The following MLXIP variants were observed in gnomAD, a reference collection of about 807,000 sequenced individuals.
The protein encoded by MLXIP is MLX interacting protein.
A neutral mutation model predicts 87.2 loss-of-function variants in MLXIP; 30 were observed. The ratio of observed to expected loss-of-function variants is 0.34; its 90% CI spans 0.26 to 0.47. MLXIP has a LOEUF of 0.47. Ranked by LOEUF, MLXIP falls within the 20% of genes least tolerant of loss-of-function variation. MLXIP has a pLI of 1.00. For missense variants in MLXIP, 1,002 were observed against 1,240.1 expected, an observed-to-expected ratio of 0.81 and a Z score of 2.88; for synonymous variants, 530 against 514.0, an observed-to-expected ratio of 1.03 and a Z score of -0.42.
rs954871695 is a variant in MLXIP at position 122,133,937 on chromosome 12, C to G, written c.1682C>G (p.Pro561Arg). Reference protein sequence around the residue: ...PKQPHKIVPAPKPEPVSLVLK... With the variant: ...PKQPHKIVPARKPEPVSLVLK... ...CAGCCCCACAAAATAGTGCCTGCTC[C>G]CAAACCAGAGCCCGTGTCCTTGGTG... Residue 561 changes from proline to arginine, a missense_variant, in exon 9 of 17, where the codon CCC becomes CGC. This residue lies in a region of MLXIP where 746 missense variants were observed against 897.0 expected (regional missense o/e 0.83). Transcript: ENST00000319080. The surrounding 1 kb of genome is among the most constrained non-coding windows in gnomAD (Gnocchi z 4.9). 3 of 1,607,314 alleles carry G rather than the reference C, an allele frequency of 1.9e-6. No individual in the cohort carries two copies. Among genetic ancestry groups the G allele is most frequent in the Non-Finnish European group, 2.5e-6 (3 of 1,177,250 alleles).
At chr12:122,090,918 T>C (rs978042844) in intron 1 of MLXIP, among the ~76,000 whole-genome samples, 2 of 151,598 alleles carry the variant, frequency 1.3e-5, no homozygotes, top group Admixed American at 1.3e-4. Context: ...AGCAAACTCA[T>C]AGACACAGAA....
chr12:122,138,917 G>A lies in MLXIP; in HGVS notation c.2487G>A (p.Leu829=). ...MFDEYVKTRT[L]QNWKFWIFSI... is the part of the protein sequence containing the mutation. ...ACGAATACGTGAAAACCCGGACCTT[G>A]CAGAATTGGAAGTTCTGGATTGTAT... is the stretch of plus-strand genomic sequence containing the variant. Residue 829 remains leucine, a synonymous_variant, in exon 15 of 17, where the codon TTG becomes TTA. Coordinates refer to ENST00000319080, the MANE Select transcript of MLXIP (RefSeq NM_014938.6). 1 of 1,614,086 alleles carries A rather than the reference G, an allele frequency of 6.2e-7. No homozygotes were observed. Among genetic ancestry groups the A allele is most frequent in the Non-Finnish European group, 8.5e-7 (1 of 1,179,914 alleles).
rs1952949000 is a variant in MLXIP, at chr12:122,130,011, C to T, written c.809C>T (p.Pro270Leu). 1.2e-6 allele frequency: 2 copies of T among 1,614,022 alleles called. No individual in the cohort carries two copies. The highest frequency in any genetic ancestry group is 1.7e-6 in the Non-Finnish European group (2 of 1,179,884). ...WKTPVPMEED[P>L]LLDTDMLMSE... is the part of the protein sequence containing the mutation. ...ACCCCCGTCCCCATGGAGGAGGATCCCCTGCTGGACACAGACATGCTCATG... is the reference window on the plus strand; with the variant it reads ...ACCCCCGTCCCCATGGAGGAGGATCTCCTGCTGGACACAGACATGCTCATG... The change falls in exon 6 of 17, where the codon CCC becomes CTC. Residue 270 changes from proline (P) to leucine (L), a missense_variant. Around this residue, in one of 3 missense-constraint regions of MLXIP, gnomAD observed 746 missense variants for 897.0 expected, o/e 0.83. Transcript: ENST00000319080.
At chr12:122,127,508 G>T in intron 2 of MLXIP, 146 bp downstream of exon 2, 1 of 637,640 alleles carries the variant, frequency 1.6e-6, no homozygotes. Context: ...AAGCCATCAG[G>T]CCCAGCAGAG....
chr12:122,122,053 C>T (rs1952792487), intron 1 of MLXIP, among the ~76,000 whole-genome samples: 1 of 131,142 alleles, frequency 7.6e-6, no homozygotes, highest in South Asian at 2.4e-4. Context: ...CAGTTGACCT[C>T]TGTTCTGATG....
intron 1 of MLXIP, among the ~76,000 whole-genome samples, chr12:122,122,842 C>T (rs754850852): frequency 2.2e-4 from 33 of 149,730 alleles, no homozygotes; most frequent in African/African-American, 5.4e-4. Context: ...CTACCGTGCC[C>T]GGCCTTCTTT....
chr12:122,130,135 G>A, intron 6 of MLXIP, 23 bp downstream of exon 6: 2 of 1,601,748 alleles, frequency 1.2e-6, no homozygotes, highest in Non-Finnish European at 1.7e-6. Flanking sequence ...AGGGCCTTGG[G>A]CTTTGAACAG....
intron 1 of MLXIP, among the ~76,000 whole-genome samples, chr12:122,094,655 T>C (rs1952319425): frequency 2.1e-5 from 3 of 145,750 alleles, no homozygotes; most frequent in East Asian, 4.1e-4. Flanking sequence ...GTGTGGTGTG[T>C]TGGTGTGTGT....
intron 1 of MLXIP, 110 bp from the exon 2 acceptor site, chr12:122,127,146 G>T: frequency 1.2e-6 from 1 of 831,626 alleles, no homozygotes; most frequent in East Asian, 2.6e-5. Context: ...GTGTATGGCT[G>T]GGGGTGGATC....
intron 1 of MLXIP, 162 bp from the exon 2 acceptor site, chr12:122,127,094 C>T (rs78324047): frequency 0.7 from 477,262 of 681,530 alleles, 168,363 homozygotes; most frequent in African/African-American, 0.83. Context: ...CCCTGTGTGG[C>T]TCTGAAGAAA....
intron 1 of MLXIP, among the ~76,000 whole-genome samples, chr12:122,103,694 A>AT (rs765295584): frequency 0.011 from 1,174 of 110,546 alleles, 12 homozygotes; most frequent in Admixed American, 0.032. Flanking sequence ...TAATTTTTGT[A>AT]TTTTTTTTTT....
intron 14 of MLXIP, 112 bp downstream of exon 14, chr12:122,138,663 A>G: frequency 6.7e-7 from 1 of 1,498,610 alleles, no homozygotes; most frequent in Non-Finnish European, 8.9e-7. Context: ...TCTTTGCTGC[A>G]GTAGTTCTGC....
rs1237728651 is a variant in MLXIP at position 122,142,946 on chromosome 12, TGGA to T, written c.*1137_*1139del. On this transcript the variant is annotated 3_prime_UTR_variant, in exon 17 of 17. Coordinates refer to ENST00000319080, the MANE Select transcript of MLXIP (RefSeq NM_014938.6). ...AGAATCTACCCAGATCTGGGCTGGGTGGAGGTGTGGCTGGGCTGGGGGCCATTC... is the reference window on the plus strand; with the variant it reads ...AGAATCTACCCAGATCTGGGCTGGGTGGTGTGGCTGGGCTGGGGGCCATTC... 6.5e-6 allele frequency: 1 copy of T among 153,216 alleles called. No individual in the cohort carries two copies. Among genetic ancestry groups the T allele is most frequent in the Non-Finnish European group, 1.5e-5 (1 of 68,616 alleles). 9.5% of individuals were successfully genotyped at this position (153,216 alleles called of 1,614,324 possible).
chr12:122,079,050 G>T lies in MLXIP; in HGVS notation c.197G>T (p.Gly66Val). Residue 66 changes from glycine to valine, a missense_variant, in exon 1 of 17, where the codon GGC (glycine) becomes GTC (valine). Around this residue, in one of 3 missense-constraint regions of MLXIP, gnomAD observed 129 missense variants for 104.2 expected, o/e 1.24. Transcript: ENST00000319080. ...CCACCGCCGCCTCGGGCCGGGCCGG[G>T]CCGCGAGGAACCTCCGCGCCGCCAG... Reference protein sequence around the residue: ...AAPPPPRAGPGREEPPRRQQI... With the variant: ...AAPPPPRAGPVREEPPRRQQI... 1 of 1,496,912 alleles carries T rather than the reference G, an allele frequency of 6.7e-7. No individual in the cohort carries two copies. Among genetic ancestry groups the T allele is most frequent in the African/African-American group, 1.4e-5 (1 of 69,480 alleles). 92.7% of individuals were successfully genotyped at this position (1,496,912 alleles called of 1,614,324 possible). A position where few individuals can be genotyped will look rare whatever the true frequency, so the allele number is the denominator to read the frequency against.
At chr12:122,096,324 C>T (rs188938472) in intron 1 of MLXIP, among the ~76,000 whole-genome samples, 1 of 152,090 alleles carries the variant, frequency 6.6e-6, no homozygotes. Flanking sequence ...TGTTGATCAC[C>T]GAGAATATTT....
intron 5 of MLXIP, 156 bp downstream of exon 5, chr12:122,129,785 G>T: frequency 7.8e-7 from 1 of 1,288,552 alleles, no homozygotes; most frequent in East Asian, 2.5e-5. Context: ...TCTCTCCTGG[G>T]TGGGCTGGAG....
intron 1 of MLXIP, among the ~76,000 whole-genome samples, chr12:122,093,818 GGT>G (rs1325932692): frequency 3.5e-4 from 52 of 146,486 alleles, no homozygotes; most frequent in African/African-American, 1.2e-3. Flanking sequence ...GTCGTGTGTT[GGT>G]GTGTGTGTCA....
intron 6 of MLXIP, 169 bp downstream of exon 6, chr12:122,130,281 G>A (rs780150201): frequency 4.7e-5 from 12 of 255,680 alleles, no homozygotes; most frequent in South Asian, 1.5e-4. Flanking sequence ...CATCCAGGCC[G>A]CACGTACCGA....
Position 122,135,863 on chromosome 12 carries a change from C to A in MLXIP, c.2032+197C>A. ...GCAGGATGAAATGTGGTGGCACTGG[C>A]AGGGCAAAAAGTAGTGAACATGTGG... On this transcript the variant is annotated intron_variant, in intron 11 of 16. Transcript: ENST00000319080. The surrounding 1 kb of genome is among the most constrained non-coding windows in gnomAD (Gnocchi z 5.3). 1.5e-6 allele frequency: 1 copy of A among 672,348 alleles called. No individual in the cohort carries two copies. The highest frequency in any genetic ancestry group is 2.3e-6 in the Non-Finnish European group (1 of 428,414). The allele number at this position is 672,348 out of a possible 1,614,324, so 41.6% of individuals were successfully genotyped here. A position where few individuals can be genotyped will look rare whatever the true frequency, so the allele number is the denominator to read the frequency against.
Sources: allele counts gnomAD v4.1 joint callset (sites outside exome capture counted in the v4.1 genomes callset), GRCh38; gene constraint gnomAD v4.1.1; regional missense constraint gnomAD v4.1.1; non-coding constraint Gnocchi (gnomAD v3.1); transcripts MANE v1.5; gene names NCBI Gene and HGNC (gene_info 2026-07-23, HGNC 2026-07-21).